The following SHISA9 variants were observed in gnomAD, a reference collection of about 807,000 sequenced individuals.
SHISA9 encodes protein shisa-9.
SHISA9 carries 13 observed loss-of-function variants against 38.0 expected under a neutral mutation model. The observed-to-expected ratio is 0.34, with a 90% confidence interval of 0.22 to 0.54. The LOEUF (loss-of-function observed/expected upper bound fraction) is 0.54. SHISA9 is among the 20% of genes least tolerant of loss of function. The pLI, the probability that SHISA9 is intolerant of heterozygous loss-of-function variation, is 0.91. For synonymous variants in SHISA9, 275 were observed against 242.0 expected, an observed-to-expected ratio of 1.14 and a Z score of -1.27; for missense variants, 538 against 575.8, an observed-to-expected ratio of 0.93 and a Z score of 0.67.
chr16:13,514,404 A>G, the SHISA9 span, among the ~76,000 whole-genome samples: 1 of 152,240 alleles, frequency 6.6e-6, no homozygotes, highest in Non-Finnish European at 1.5e-5. Context: ...CCAGACTCAG[A>G]AATGACACAT....
At chr16:13,008,415 C>A (rs904267485) in intron 2 of SHISA9, among the ~76,000 whole-genome samples, 4 of 152,096 alleles carry the variant, frequency 2.6e-5, no homozygotes, top group Admixed American at 1.3e-4. Context: ...TAAGATAGTG[C>A]CTTGTATGGT....
chr16:13,062,924 G>A (rs540457828), intron 2 of SHISA9, among the ~76,000 whole-genome samples: 1 of 151,322 alleles, frequency 6.6e-6, no homozygotes, highest in East Asian at 1.9e-4. Flanking sequence ...AGAGACCACA[G>A]TGGCGAGGCT....
At chr16:13,265,413 T>C in the SHISA9 span, among the ~76,000 whole-genome samples, 4 of 66,552 alleles carry the variant, frequency 6.0e-5, no homozygotes, top group Non-Finnish European at 5.7e-5. Context: ...CTTTCTCTCC[T>C]CCCCCCTCCC....
At chr16:13,510,439 A>G in the SHISA9 span, among the ~76,000 whole-genome samples, 84 of 152,356 alleles carry the variant, frequency 5.5e-4, no homozygotes, top group Middle Eastern at 6.8e-3. Flanking sequence ...CTGTTTTACT[A>G]TATCACGTTA....
chr16:13,023,914 G>A (rs986985228), intron 2 of SHISA9, among the ~76,000 whole-genome samples: 1 of 152,102 alleles, frequency 6.6e-6, no homozygotes, highest in African/African-American at 2.4e-5. Context: ...TCCAGATGGG[G>A]GTAAAACACA....
At chr16:13,159,706 T>G (rs1664173826) in intron 2 of SHISA9, among the ~76,000 whole-genome samples, 1 of 152,230 alleles carries the variant, frequency 6.6e-6, no homozygotes, top group Admixed American at 6.5e-5. Flanking sequence ...TGGCCTCCCT[T>G]AGAGGAGAAC....
At chr16:13,372,706 T>C in the SHISA9 span, among the ~76,000 whole-genome samples, 1 of 152,230 alleles carries the variant, frequency 6.6e-6, no homozygotes, top group Non-Finnish European at 1.5e-5. Context: ...TCTTTTGATG[T>C]GCAAAGCTCT....
the SHISA9 span, among the ~76,000 whole-genome samples, chr16:13,268,474 A>G: frequency 2.6e-5 from 4 of 152,116 alleles, no homozygotes; most frequent in Non-Finnish European, 5.9e-5. Flanking sequence ...GTGCCATTGC[A>G]CTCCATCCTG....
chr16:13,141,156 C>T (rs750059927), intron 2 of SHISA9, among the ~76,000 whole-genome samples: 9 of 152,092 alleles, frequency 5.9e-5, no homozygotes, highest in Non-Finnish European at 1.0e-4. Context: ...CATATGGAAT[C>T]CTACCATCTA....
chr16:13,119,157 G>A (rs1596660580), intron 2 of SHISA9, among the ~76,000 whole-genome samples: 1 of 152,094 alleles, frequency 6.6e-6, no homozygotes, highest in Admixed American at 6.6e-5. Flanking sequence ...GTGAGCCACC[G>A]CGCCTGGCCC....
At chr16:13,528,542 C>A in the SHISA9 span, among the ~76,000 whole-genome samples, 1 of 152,100 alleles carries the variant, frequency 6.6e-6, no homozygotes, top group Non-Finnish European at 1.5e-5. Flanking sequence ...AAAGTATGAC[C>A]TTTCCTCATA....
the SHISA9 span, among the ~76,000 whole-genome samples, chr16:13,392,768 A>T: frequency 6.6e-6 from 1 of 152,246 alleles, no homozygotes; most frequent in Non-Finnish European, 1.5e-5. Flanking sequence ...CACGGAGAAC[A>T]CTGTGTGAAG....
At chr16:13,401,571 T>A in the SHISA9 span, among the ~76,000 whole-genome samples, 1 of 152,108 alleles carries the variant, frequency 6.6e-6, no homozygotes, top group African/African-American at 2.4e-5. Context: ...GGGGCCCTAA[T>A]CCTTTAGGGT....
At chr16:13,377,825 C>T in the SHISA9 span, among the ~76,000 whole-genome samples, 7 of 152,090 alleles carry the variant, frequency 4.6e-5, no homozygotes, top group Middle Eastern at 3.4e-3. Flanking sequence ...GTCAGGAGTT[C>T]GAGACCAGCC....
intron 2 of SHISA9, among the ~76,000 whole-genome samples, chr16:12,940,048 C>T (rs943613564): frequency 2.0e-5 from 3 of 152,200 alleles, no homozygotes; most frequent in East Asian, 1.9e-4. Flanking sequence ...AAGGTTGACC[C>T]TTCCCAAGGG....
intron 2 of SHISA9, among the ~76,000 whole-genome samples, chr16:13,124,561 A>G (rs764657699): frequency 5.5e-4 from 84 of 152,290 alleles, no homozygotes; most frequent in Middle Eastern, 6.8e-3. Flanking sequence ...GGTTAATGTA[A>G]CTGTGAGCCC....
chr16:13,494,674 C>A, the SHISA9 span, among the ~76,000 whole-genome samples: 1 of 151,958 alleles, frequency 6.6e-6, no homozygotes, highest in Non-Finnish European at 1.5e-5. Flanking sequence ...ATCCATATGG[C>A]AGAATATTTT....
chr16:13,356,797 C>A, the SHISA9 span, among the ~76,000 whole-genome samples: 2 of 152,098 alleles, frequency 1.3e-5, no homozygotes, highest in Admixed American at 6.5e-5. Context: ...AATGCCTGGA[C>A]GTCAGGCACC....
intron 2 of SHISA9, among the ~76,000 whole-genome samples, chr16:12,919,426 T>C (rs1454307685): frequency 2.6e-5 from 4 of 152,254 alleles, no homozygotes; most frequent in Non-Finnish European, 5.9e-5. Context: ...GACTGAGGAT[T>C]CACTAGTCTC....
Sources: gnomAD v4.1 joint callset for allele counts (sites outside exome capture counted in the v4.1 genomes callset) on GRCh38, gnomAD v4.1.1 for gene constraint, MANE v1.5 for transcripts, NCBI Gene and HGNC (gene_info 2026-07-23, HGNC 2026-07-21) for gene names.